SLC26A5: variants seen among roughly 807,000 people sequenced by gnomAD.
SLC26A5 encodes the protein prestin.
SLC26A5 carries 51 observed loss-of-function variants against 81.0 expected under a neutral mutation model. The ratio of observed to expected loss-of-function variants is 0.63; its 90% CI spans 0.50 to 0.80. The LOEUF is 0.80. Ranked by LOEUF, SLC26A5 falls within the 30% of genes least tolerant of loss-of-function variation. The pLI is 0.00. For synonymous variants in SLC26A5, 325 were observed against 332.8 expected (o/e 0.98, Z 0.25); for missense variants, 771 against 905.8 (o/e 0.85, Z 1.91).
downstream of SLC26A5, among the ~76,000 whole-genome samples, chr7:103,372,890 A>C (rs1563505155): frequency 6.6e-6 from 1 of 151,756 alleles, no homozygotes; most frequent in African/African-American, 2.4e-5. Context: ...AAAAAAAAAA[A>C]AAAACACTAA....
intron 8 of SLC26A5, among the ~76,000 whole-genome samples, chr7:103,399,525 A>C (rs1374143611): frequency 2.0e-5 from 3 of 152,132 alleles, no homozygotes; most frequent in African/African-American, 7.2e-5. Flanking sequence ...CCACAGCTAG[A>C]ACTTGTTGTT....
intron 19 of SLC26A5, 82 bp downstream of exon 19, chr7:103,376,725 AG>A: frequency 1.0e-6 from 1 of 955,730 alleles, no homozygotes; most frequent in Non-Finnish European, 1.6e-6. Context: ...ATTAAAATTA[AG>A]GACATTTCCA....
At chr7:103,426,025 C>G (rs2116760497) in intron 2 of SLC26A5, among the ~76,000 whole-genome samples, 1 of 152,294 alleles carries the variant, frequency 6.6e-6, no homozygotes, top group East Asian at 1.9e-4. Flanking sequence ...AAGAAAAAAA[C>G]TAAATAGGGT....
At chr7:103,355,820 T>TA (rs1320408938) in intron 19 of SLC26A5, 1 of 1,500,934 alleles carries the variant, frequency 6.7e-7, no homozygotes, top group African/African-American at 1.4e-5. Context: ...TGTGGCAACT[T>TA]ACCTTTGTCT....
chr7:103,393,994 C>T (rs1161313512), intron 9 of SLC26A5, among the ~76,000 whole-genome samples: 1 of 152,142 alleles, frequency 6.6e-6, no homozygotes, highest in African/African-American at 2.4e-5. Context: ...GAACTAGGCA[C>T]CACTGTAATT....
At chr7:103,421,013 C>A in intron 3 of SLC26A5, 136 bp from the exon 4 acceptor site, 1 of 941,320 alleles carries the variant, frequency 1.1e-6, no homozygotes, top group Non-Finnish European at 1.6e-6. Flanking sequence ...AAGATGTTGC[C>A]AAACAGGGTA....
chr7:103,377,807 A>G lies in SLC26A5; in HGVS notation c.1786-8T>C, dbSNP rs1376789880. ...TCCATCTACTTCTGCATCCTGTGTC[A>G]AAAATTAAACCAAACCAGAATTTTA... On this transcript the variant is annotated splice_polypyrimidine_tract_variant and splice_region_variant and intron_variant, in intron 17 of 19. Coordinates refer to ENST00000306312, the MANE Select transcript of SLC26A5 (RefSeq NM_198999.3). The G allele has an allele frequency of 6.2e-7, 1 of 1,613,292 alleles. No individual in the cohort carries two copies. The highest frequency in any genetic ancestry group is 8.5e-7 in the Non-Finnish European group (1 of 1,179,872).
chr7:103,426,904 C>A (rs917841319), intron 2 of SLC26A5, among the ~76,000 whole-genome samples: 2 of 152,104 alleles, frequency 1.3e-5, no homozygotes, highest in Non-Finnish European at 2.9e-5. Flanking sequence ...CAAATCCTTA[C>A]ATGAGAAAAG....
At chr7:103,420,624 G>A in intron 4 of SLC26A5, 114 bp downstream of exon 4, 1 of 1,381,464 alleles carries the variant, frequency 7.2e-7, no homozygotes, top group Admixed American at 1.8e-5. Context: ...GATAGGTAAA[G>A]GTTACTAGAA....
chr7:103,391,786 A>C (rs1045768796), intron 10 of SLC26A5, 51 bp from the exon 11 acceptor site: 7 of 1,418,786 alleles, frequency 4.9e-6, no homozygotes, highest in East Asian at 2.3e-5. Context: ...TCTTCAGGAA[A>C]AAAAAGCATA....
At chr7:103,392,649 C>T (rs1822757442) in intron 10 of SLC26A5, among the ~76,000 whole-genome samples, 1 of 152,220 alleles carries the variant, frequency 6.6e-6, no homozygotes, top group African/African-American at 2.4e-5. Context: ...GCGACCTCGG[C>T]TCACTGCAAG....
chr7:103,399,820 G>A (rs1192109197), intron 8 of SLC26A5, among the ~76,000 whole-genome samples: 1 of 152,144 alleles, frequency 6.6e-6, no homozygotes, highest in African/African-American at 2.4e-5. Context: ...AACATGTGGT[G>A]TTTGGTTTTC....
intron 5 of SLC26A5, 137 bp from the exon 6 acceptor site, chr7:103,411,723 G>T: frequency 1.0e-6 from 1 of 962,710 alleles, no homozygotes; most frequent in Non-Finnish European, 1.6e-6. Flanking sequence ...TTAGTGTCCT[G>T]CCCCTGGTGT....
intron 8 of SLC26A5, among the ~76,000 whole-genome samples, chr7:103,407,590 T>C (rs1824154370): frequency 6.6e-6 from 1 of 152,194 alleles, no homozygotes; most frequent in Non-Finnish European, 1.5e-5. Flanking sequence ...GAGAAAATCC[T>C]CCATAATCCC....
At chr7:103,386,570 A>G (rs1002913183) in intron 14 of SLC26A5, among the ~76,000 whole-genome samples, 1 of 151,974 alleles carries the variant, frequency 6.6e-6, no homozygotes, top group Non-Finnish European at 1.5e-5. Context: ...CTCAAAAGAA[A>G]ACAAACAAAA....
In SLC26A5 at chr7:103,407,923, C is replaced by T; in HGVS notation, c.816G>A (p.Leu272=). Residue 272 remains leucine, a synonymous_variant, in exon 8 of 20, where the codon CTG becomes CTA. Transcript: ENST00000306312. ...TCTCATTAAACTCCTTGCCACCCAACAGCAAACCAAAAACCATCAGCCCGA... is the reference window on the plus strand; with the variant it reads ...TCTCATTAAACTCCTTGCCACCCAATAGCAAACCAAAAACCATCAGCCCGA... ...LGVGLMVFGL[L]LGGKEFNERF... The T allele has an allele frequency of 6.2e-7, 1 of 1,614,218 alleles. No homozygotes were observed. The highest frequency in any genetic ancestry group is 1.3e-5 in the African/African-American group (1 of 75,066).
intron 19 of SLC26A5, among the ~76,000 whole-genome samples, chr7:103,375,169 T>C (rs1326292583): frequency 1.3e-5 from 2 of 149,534 alleles, no homozygotes; most frequent in Non-Finnish European, 3.0e-5. Context: ...GTTATATATA[T>C]ATATAAACTA....
At chr7:103,395,525 T>A (rs1319912394) in intron 9 of SLC26A5, among the ~76,000 whole-genome samples, 116 of 14,478 alleles carry the variant, frequency 8.0e-3, no homozygotes, top group Non-Finnish European at 0.013. Context: ...ATATATAAAT[T>A]TTTTTTTTTT....
chr7:103,423,274 A>G (rs1011708748), intron 2 of SLC26A5, among the ~76,000 whole-genome samples: 5 of 152,148 alleles, frequency 3.3e-5, no homozygotes, highest in African/African-American at 9.7e-5. Flanking sequence ...CTCCGTCTCA[A>G]AGGCAACAAA....
Sources: allele counts gnomAD v4.1 joint callset (sites outside exome capture counted in the v4.1 genomes callset), GRCh38; gene constraint gnomAD v4.1.1; transcripts MANE v1.5; gene names NCBI Gene and HGNC (gene_info 2026-07-23, HGNC 2026-07-21).